USP31: variants seen among roughly 807,000 people sequenced by gnomAD.
USP31 encodes the protein ubiquitin carboxyl-terminal hydrolase 31.
In USP31, 44 loss-of-function variants were observed where a neutral mutation model predicts 119.4. The observed-to-expected ratio is 0.37, with a 90% CI of 0.29 to 0.47. The LOEUF (loss-of-function observed/expected upper bound fraction) is 0.47. USP31 is among the 20% of genes least tolerant of loss of function. USP31 has a pLI of 0.99. For synonymous variants in USP31, 749 were observed against 705.6 expected (o/e 1.06, Z -0.97); for missense variants, 1,643 against 1,730.2 (o/e 0.95, Z 0.89).
chr16:23,143,587 G>C (rs969135526), intron 1 of USP31, among the ~76,000 whole-genome samples: 1 of 130,730 alleles, frequency 7.6e-6, no homozygotes, highest in African/African-American at 2.7e-5. Context: ...GGAGAGGTTG[G>C]GGGGGGGGAG....
chr16:23,149,133 C>A lies in USP31; in HGVS notation c.138G>T (p.Pro46=), dbSNP rs2141911166. The part of the protein sequence containing the change: ...GGAGGPGASG[P]AAPSSPSSPS... ...GCGAGGAGGGCGAGGAAGGCGCGGC[C>A]GGCCCGGACGCCCCGGGGCCCCCCG... Residue 46 remains proline (P), a synonymous_variant, in exon 1 of 16, where the codon CCG becomes CCT. Transcript: ENST00000219689. The A allele has an allele frequency of 1.6e-6, 2 of 1,244,788 alleles. No homozygotes were observed. The highest frequency in any genetic ancestry group is 4.5e-5 in the South Asian group (2 of 44,508). 77.1% of individuals were successfully genotyped at this position (1,244,788 alleles called of 1,614,324 possible). A position where few individuals can be genotyped will look rare whatever the true frequency, so the allele number is the denominator to read the frequency against.
chr16:23,093,270 A>ATATCCC (rs1901450121), intron 6 of USP31, among the ~76,000 whole-genome samples: 1 of 152,228 alleles, frequency 6.6e-6, no homozygotes, highest in Non-Finnish European at 1.5e-5. Context: ...TGCAAGTCAT[A>ATATCCC]TATCCCATAA....
chr16:23,096,937 GAAGC>G (rs1276573756), intron 6 of USP31, among the ~76,000 whole-genome samples: 11 of 151,994 alleles, frequency 7.2e-5, no homozygotes, highest in Non-Finnish European at 1.5e-4. Flanking sequence ...AAGAACTAGA[GAAGC>G]AAGAGCAAAC....
chr16:23,069,912 C>G (rs1027219587), intron 15 of USP31, among the ~76,000 whole-genome samples: 6 of 152,236 alleles, frequency 3.9e-5, no homozygotes, highest in Admixed American at 2.0e-4. Flanking sequence ...AAGGCCTAGA[C>G]AGCAGATGTT....
At chr16:23,148,251 C>G (rs1903586306) in intron 1 of USP31, among the ~76,000 whole-genome samples, 2 of 152,158 alleles carry the variant, frequency 1.3e-5, no homozygotes, top group African/African-American at 4.8e-5. Context: ...AACAGAGAGG[C>G]TGCTTAACTT....
rs1903648674 is a variant in USP31 at position 23,149,307 on chromosome 16, G to A, written c.-37C>T. ...CAGACACTCATCACCGCGCCCGCCC[G>A]CCCGGCCCGCGGCCCCGCCACGGCC... On this transcript the variant is annotated 5_prime_UTR_variant, in exon 1 of 16. Coordinates refer to ENST00000219689, the MANE Select transcript of USP31 (RefSeq NM_020718.4). 9.7e-7 allele frequency: 1 copy of A among 1,031,412 alleles called. No homozygotes were observed. The highest frequency in any genetic ancestry group is 1.2e-6 in the Non-Finnish European group (1 of 861,550). 63.9% of individuals were successfully genotyped at this position (1,031,412 alleles called of 1,614,324 possible). A position where few individuals can be genotyped will look rare whatever the true frequency, so the allele number is the denominator to read the frequency against.
chr16:23,118,359 A>G (rs939472653), intron 1 of USP31, among the ~76,000 whole-genome samples: 1 of 152,258 alleles, frequency 6.6e-6, no homozygotes, highest in Admixed American at 6.5e-5. Flanking sequence ...CTAAAGCATT[A>G]GTTCTCAATC....
At chr16:23,143,990 G>A (rs1048390545) in intron 1 of USP31, among the ~76,000 whole-genome samples, 2 of 152,122 alleles carry the variant, frequency 1.3e-5, no homozygotes, top group South Asian at 4.2e-4. Flanking sequence ...AAAGGATAAA[G>A]GTAATGGCTA....
intron 11 of USP31, among the ~76,000 whole-genome samples, chr16:23,083,541 G>A (rs1002175075): frequency 6.8e-6 from 1 of 147,186 alleles, no homozygotes; most frequent in South Asian, 2.2e-4. Flanking sequence ...CTGCCATCTA[G>A]TAGATTTGCT....
intron 9 of USP31, 150 bp downstream of exon 9, chr16:23,086,942 C>G: frequency 1.7e-6 from 1 of 596,688 alleles, no homozygotes; most frequent in Non-Finnish European, 2.9e-6. Context: ...TATACCCAAG[C>G]ACAAATCAAA....
intron 6 of USP31, among the ~76,000 whole-genome samples, chr16:23,100,557 G>C (rs1259230764): frequency 6.6e-6 from 1 of 152,114 alleles, no homozygotes; most frequent in Non-Finnish European, 1.5e-5. Context: ...TGGATCACTT[G>C]AGGTCAGGAG....
rs1344145383 is a variant in USP31, at chr16:23,062,346, A to G, written c.*5700T>C. On this transcript the variant is annotated 3_prime_UTR_variant, in exon 16 of 16. Coordinates refer to ENST00000219689, the MANE Select transcript of USP31 (RefSeq NM_020718.4). ...CAAACAAAAAACAAAACAAAACAAA[A>G]ACACGAAAAAATAGCAATAAGGGTT... is the stretch of plus-strand genomic sequence containing the variant. 6.6e-6 allele frequency: 1 copy of G among 152,198 alleles called. No homozygotes were observed. The highest frequency in any genetic ancestry group is 2.4e-5 in the African/African-American group (1 of 41,338). The allele number at this position is 152,198 out of a possible 1,614,324, so 9.4% of individuals were successfully genotyped here.
chr16:23,127,419 A>G (rs866141936), intron 1 of USP31, among the ~76,000 whole-genome samples: 37 of 152,004 alleles, frequency 2.4e-4, no homozygotes, highest in African/African-American at 8.9e-4. Flanking sequence ...ATTCTATCTC[A>G]AAGAAAAAAA....
rs773975123 is a variant in USP31, at chr16:23,080,071, C to T, written c.2051G>A (p.Ser684Asn). The change falls in exon 13 of 16, where the codon AGT becomes AAT. Residue 684 changes from serine (S) to asparagine (N), a missense_variant. Ser to Asn is a conservative substitution (Grantham distance 46, BLOSUM62 1). Around this residue, in one of 5 missense-constraint regions of USP31, gnomAD observed 279 missense variants for 372.2 expected, o/e 0.75. Transcript: ENST00000219689. ...HVVKRSQSSW[S>N]LPSHWSPWRR... is the part of the protein sequence containing the mutation. ...CCACGGGGACCAATGCGATGGCAAACTCCAGCTGCTCTGGCTCCTCTTAAC... is the reference window on the plus strand; with the variant it reads ...CCACGGGGACCAATGCGATGGCAAATTCCAGCTGCTCTGGCTCCTCTTAAC... The T allele has an allele frequency of 1.2e-6, 2 of 1,614,014 alleles. No homozygotes were observed. The highest frequency in any genetic ancestry group is 2.2e-5 in the East Asian group (1 of 44,882).
At chr16:23,082,351 C>T (rs893447246) in intron 12 of USP31, 87 bp downstream of exon 12, 4 of 1,552,854 alleles carry the variant, frequency 2.6e-6, no homozygotes, top group Non-Finnish European at 3.5e-6. Flanking sequence ...AACAGGTATA[C>T]CAAAGAACCC....
intron 12 of USP31, 89 bp from the exon 13 acceptor site, chr16:23,080,260 C>T (rs2141839181): frequency 8.6e-7 from 1 of 1,166,248 alleles, no homozygotes; most frequent in South Asian, 1.6e-5. Flanking sequence ...TCCTATCAGA[C>T]AAAGCGGTGT....
chr16:23,093,611 AAC>A (rs1392396173), intron 6 of USP31, among the ~76,000 whole-genome samples: 5 of 152,232 alleles, frequency 3.3e-5, no homozygotes, highest in Non-Finnish European at 5.9e-5. Context: ...TCCTGTGGAA[AAC>A]AGTTTGGCAA....
At chr16:23,097,512 G>A (rs1901664670) in intron 6 of USP31, among the ~76,000 whole-genome samples, 1 of 152,176 alleles carries the variant, frequency 6.6e-6, no homozygotes, top group Non-Finnish European at 1.5e-5. Context: ...GCCTGGCAGA[G>A]ACACAACAAA....
intron 1 of USP31, among the ~76,000 whole-genome samples, chr16:23,147,174 T>C (rs1903538512): frequency 6.6e-6 from 1 of 152,212 alleles, no homozygotes; most frequent in Non-Finnish European, 1.5e-5. Flanking sequence ...AATGGCACGA[T>C]CTCGGCTCAC....
Sources: allele counts gnomAD v4.1 joint callset (sites outside exome capture counted in the v4.1 genomes callset), GRCh38; gene constraint gnomAD v4.1.1; regional missense constraint gnomAD v4.1.1; transcripts MANE v1.5; gene names NCBI Gene and HGNC (gene_info 2026-07-23, HGNC 2026-07-21).